The following RAD51B variants were observed in gnomAD, a reference collection of about 807,000 sequenced individuals.
RAD51B encodes the protein DNA repair protein RAD51 homolog 2.
In RAD51B, 38 loss-of-function variants were observed where a neutral mutation model predicts 42.2. That is an observed-to-expected ratio of 0.90 (90% CI 0.70 to 1.18). The LOEUF (loss-of-function observed/expected upper bound fraction) is 1.18, where lower values mean the gene tolerates loss of function less well. Among genes scored for constraint, RAD51B ranks in the 50% most tolerant of loss-of-function variants. RAD51B has a pLI of 0.00. For missense variants in RAD51B, 373 were observed against 400.7 expected, an observed-to-expected ratio of 0.93 and a Z score of 0.59; for synonymous variants, 154 against 145.2, an observed-to-expected ratio of 1.06 and a Z score of -0.43.
intron 10 of RAD51B, among the ~76,000 whole-genome samples, chr14:68,648,113 GTATATATATATACACACACGTATA>G (rs1892615997): frequency 3.3e-5 from 2 of 60,078 alleles, no homozygotes; most frequent in Non-Finnish European, 6.6e-5. Flanking sequence ...ATACACACAC[GTATATATATATACACACACGTATA>G]TATATATATA....
chr14:68,445,225 T>G (rs1025183230), intron 9 of RAD51B, among the ~76,000 whole-genome samples: 2 of 152,112 alleles, frequency 1.3e-5, no homozygotes, highest in Admixed American at 6.5e-5. Context: ...ACTGCAGAAT[T>G]CTCTTCTCAG....
intron 4 of RAD51B, among the ~76,000 whole-genome samples, chr14:67,850,500 A>G (rs1013867283): frequency 6.6e-6 from 1 of 151,970 alleles, no homozygotes; most frequent in African/African-American, 2.4e-5. Flanking sequence ...AGTTCAACCT[A>G]CGGGCCAGTA....
chr14:68,586,138 C>T (rs1890461562), intron 10 of RAD51B, among the ~76,000 whole-genome samples: 1 of 152,168 alleles, frequency 6.6e-6, no homozygotes, highest in African/African-American at 2.4e-5. Context: ...GCAATCAGAA[C>T]TCTCCGAGGC....
intron 7 of RAD51B, among the ~76,000 whole-genome samples, chr14:67,972,822 G>T (rs779051419): frequency 3.3e-5 from 5 of 152,004 alleles, no homozygotes; most frequent in African/African-American, 1.2e-4. Flanking sequence ...TACTGATTTG[G>T]AAAACTCTTT....
chr14:68,624,480 T>G (rs1379831916), intron 10 of RAD51B, among the ~76,000 whole-genome samples: 2 of 151,978 alleles, frequency 1.3e-5, no homozygotes, highest in Non-Finnish European at 1.5e-5. Context: ...GAGCATGAAG[T>G]GGGGTCAAGG....
At chr14:68,091,346 T>C (rs888984836) in intron 7 of RAD51B, among the ~76,000 whole-genome samples, 1 of 152,186 alleles carries the variant, frequency 6.6e-6, no homozygotes, top group African/African-American at 2.4e-5. Context: ...TTTTTCTCCA[T>C]ATCCTCTCCA....
In RAD51B at chr14:68,038,336, A is replaced by G. The variant is rs1196760593; in HGVS notation, c.756+151132A>G. 2.0e-5 allele frequency among the ~76,000 whole-genome samples: 3 copies of G among 152,162 alleles called. No homozygotes were observed. In the East Asian group the frequency reaches 5.8e-4, roughly 29 times the overall value. ...GCAGCCTCCTTCCATTAGCATGTCA[A>G]GTTTTTCTGAGCAGTTTTATTTGTG... On this transcript the variant is annotated intron_variant, in intron 7 of 10. Coordinates refer to ENST00000471583, the MANE Select transcript of RAD51B (RefSeq NM_133510.4).
chr14:68,541,220 G>A (rs1393687924), intron 10 of RAD51B: 2 of 985,266 alleles, frequency 2.0e-6, no homozygotes, highest in South Asian at 4.7e-5. Context: ...CTCCGTTCGG[G>A]CTCCTCTTTT....
chr14:68,449,322 A>G (rs1370065295), intron 9 of RAD51B, among the ~76,000 whole-genome samples: 1 of 152,224 alleles, frequency 6.6e-6, no homozygotes, highest in Non-Finnish European at 1.5e-5. Context: ...TTGCTTCATC[A>G]TTAACCTTCT....
chr14:68,468,134 C>T (rs368858164), intron 9 of RAD51B, 38 bp from the exon 10 acceptor site: 1 of 1,577,042 alleles, frequency 6.3e-7, no homozygotes, highest in Admixed American at 1.7e-5. Flanking sequence ...CATCCCTGAT[C>T]CTTTGACTAA....
intron 7 of RAD51B, among the ~76,000 whole-genome samples, chr14:68,058,302 A>G (rs1186725770): frequency 6.6e-6 from 1 of 152,066 alleles, no homozygotes; most frequent in Non-Finnish European, 1.5e-5. Context: ...TGGCCTTTCC[A>G]GTAGAGGCCA....
chr14:68,241,997 G>A lies in RAD51B; in HGVS notation c.757-49887G>A, dbSNP rs2080398050. On this transcript the variant is annotated intron_variant, in intron 7 of 10. Transcript: ENST00000471583. ...ATGTTGACCCTGTATACAGCTGCCA[G>A]ATCAGTTTGTCTCAGCCTGGCTATA... Among the ~76,000 whole-genome samples the A allele has an allele frequency of 2.0e-5, 3 of 152,226 alleles. No individual in the cohort carries two copies. The South Asian group carries it at 6.2e-4, about 31-fold the overall frequency.
At chr14:68,579,330 T>C (rs902619053) in intron 10 of RAD51B, among the ~76,000 whole-genome samples, 1 of 152,162 alleles carries the variant, frequency 6.6e-6, no homozygotes, top group Non-Finnish European at 1.5e-5. Context: ...GACAGTGAAT[T>C]GAGGGAGCTC....
intron 9 of RAD51B, among the ~76,000 whole-genome samples, chr14:68,424,276 G>C (rs1355195663): frequency 1.3e-5 from 2 of 151,978 alleles, no homozygotes; most frequent in Non-Finnish European, 2.9e-5. Context: ...TCCTTTCTCA[G>C]TTGTCTATTC....
chr14:68,572,591 C>T (rs908293013), intron 10 of RAD51B, among the ~76,000 whole-genome samples: 2 of 152,130 alleles, frequency 1.3e-5, no homozygotes, highest in African/African-American at 2.4e-5. Flanking sequence ...AGTAAGCCAC[C>T]CCAATAACTC....
intron 7 of RAD51B, among the ~76,000 whole-genome samples, chr14:67,943,523 T>A (rs1214448338): frequency 1.3e-5 from 2 of 152,166 alleles, no homozygotes; most frequent in Non-Finnish European, 2.9e-5. Context: ...CATCCATCTA[T>A]CTATTATTCC....
chr14:68,122,820 G>A (rs1021902762), intron 7 of RAD51B, among the ~76,000 whole-genome samples: 6 of 152,266 alleles, frequency 3.9e-5, no homozygotes, highest in African/African-American at 1.4e-4. Context: ...GTATATTATG[G>A]TACTCCATGG....
At chr14:68,523,790 T>G (rs192524315) in intron 10 of RAD51B, among the ~76,000 whole-genome samples, 2 of 152,350 alleles carry the variant, frequency 1.3e-5, no homozygotes, top group East Asian at 3.9e-4. Context: ...ATTTTCTATC[T>G]GTGTTTGGTT....
chr14:68,168,284 C>T (rs1398071256), intron 7 of RAD51B, among the ~76,000 whole-genome samples: 1 of 152,110 alleles, frequency 6.6e-6, no homozygotes, highest in Non-Finnish European at 1.5e-5. Context: ...TTGTACACTG[C>T]CTAGCATGGT....
Sources: allele counts gnomAD v4.1 joint callset (sites outside exome capture counted in the v4.1 genomes callset), GRCh38; gene constraint gnomAD v4.1.1; transcripts MANE v1.5; gene names NCBI Gene and HGNC (gene_info 2026-07-23, HGNC 2026-07-21).